The following EYS variants were observed in gnomAD, a reference collection of about 807,000 sequenced individuals.
EYS encodes protein eyes shut homolog.
In EYS, 250 loss-of-function variants were observed where a neutral mutation model predicts 282.1. The observed-to-expected ratio is 0.89, with a 90% CI of 0.80 to 0.98. EYS has a LOEUF of 0.98. Ranked by LOEUF, EYS falls within the 50% of genes least tolerant of loss-of-function variation. The pLI is 0.00. For synonymous variants in EYS, 1,355 were observed against 1,282.9 expected (o/e 1.06, Z -1.20); for missense variants, 4,016 against 3,709.0 (o/e 1.08, Z -2.15).
At chr6:64,907,883 T>C (rs1767880205) in intron 16 of EYS, among the ~76,000 whole-genome samples, 1 of 152,118 alleles carries the variant, frequency 6.6e-6, no homozygotes, top group Non-Finnish European at 1.5e-5. Context: ...AGTAGTTTAT[T>C]TGAGAGGTGA....
At chr6:64,233,807 C>A (rs1484150205) in intron 30 of EYS, among the ~76,000 whole-genome samples, 2 of 152,166 alleles carry the variant, frequency 1.3e-5, no homozygotes, top group South Asian at 2.1e-4. Context: ...CTTGATAGGA[C>A]AGCAATTTCC....
chr6:65,263,517 A>G (rs1325169401), intron 12 of EYS, among the ~76,000 whole-genome samples: 1 of 152,134 alleles, frequency 6.6e-6, no homozygotes, highest in South Asian at 2.1e-4. Context: ...AAAAACTAAA[A>G]ATTAAAAGTC....
intron 30 of EYS, among the ~76,000 whole-genome samples, chr6:64,261,881 T>C (rs995844404): frequency 1.3e-5 from 2 of 151,938 alleles, no homozygotes; most frequent in Admixed American, 1.3e-4. Context: ...CTCTTCCTCC[T>C]GAGTAGCTGG....
chr6:65,652,922 G>C lies in EYS; in HGVS notation c.-447-13030C>G, dbSNP rs562346604. Among the ~76,000 whole-genome samples the C allele has an allele frequency of 1.7e-4, 26 of 151,984 alleles. No individual in the cohort carries two copies. The South Asian group carries it at 4.4e-3, about 25-fold the overall frequency. The stretch of plus-strand genomic sequence containing the variant: ...TAACAGGACTGTAATGCAGAGGTTT[G>C]GCTACACAGATGATGGAGAAGCCAA... On this transcript the variant is annotated intron_variant, in intron 1 of 42. Coordinates refer to ENST00000503581, the MANE Select transcript of EYS (RefSeq NM_001142800.2).
chr6:65,183,663 A>G (rs929323538), intron 12 of EYS, among the ~76,000 whole-genome samples: 1 of 151,818 alleles, frequency 6.6e-6, no homozygotes, highest in African/African-American at 2.4e-5. Flanking sequence ...TTAAACTATT[A>G]TAAGTGTACT....
At chr6:64,462,243 A>C (rs1004184453) in intron 26 of EYS, among the ~76,000 whole-genome samples, 1 of 152,174 alleles carries the variant, frequency 6.6e-6, no homozygotes, top group East Asian at 1.9e-4. Flanking sequence ...GTATTGACTA[A>C]ATTAATTTAA....
intron 35 of EYS, among the ~76,000 whole-genome samples, chr6:63,966,459 A>C (rs1355653068): frequency 1.3e-5 from 2 of 152,154 alleles, no homozygotes; most frequent in African/African-American, 4.8e-5. Context: ...ATCATGGCTG[A>C]AGAGCTTACT....
chr6:65,022,527 G>A (rs1454929969), intron 13 of EYS, among the ~76,000 whole-genome samples: 2 of 151,802 alleles, frequency 1.3e-5, no homozygotes, highest in Admixed American at 1.3e-4. Flanking sequence ...TATTGACAGT[G>A]GATCAACCCT....
chr6:65,200,523 A>T lies in EYS; in HGVS notation c.2023+95340T>A, dbSNP rs184890597. On this transcript the variant is annotated intron_variant, in intron 12 of 42. Transcript: ENST00000503581. ...CAGAAGCCAGAGTAAATTAAAAGAA[A>T]GGGACTTGTCAGAGAGACAAAAGAG... Among the ~76,000 whole-genome samples the T allele has an allele frequency of 3.3e-5, 5 of 151,780 alleles. No individual in the cohort carries two copies. In the East Asian group the frequency reaches 9.7e-4, roughly 29 times the overall value.
chr6:64,188,597 A>G (rs900144489), intron 31 of EYS, among the ~76,000 whole-genome samples: 4 of 152,134 alleles, frequency 2.6e-5, no homozygotes, highest in African/African-American at 9.7e-5. Context: ...TGGGCATTAA[A>G]TCGGATAATT....
intron 26 of EYS, among the ~76,000 whole-genome samples, chr6:64,581,122 C>T (rs1370531942): frequency 2.6e-5 from 4 of 151,786 alleles, no homozygotes; most frequent in Admixed American, 2.0e-4. Context: ...AGTGCAAAGA[C>T]AAATTGCGGA....
At chr6:65,261,869 T>A (rs1483655777) in intron 12 of EYS, among the ~76,000 whole-genome samples, 4 of 152,074 alleles carry the variant, frequency 2.6e-5, no homozygotes, top group Non-Finnish European at 5.9e-5. Flanking sequence ...TATGAAACAG[T>A]CTATAGCTGT....
chr6:64,136,221 TAGCA>T (rs1774158123), intron 31 of EYS, among the ~76,000 whole-genome samples: 1 of 152,034 alleles, frequency 6.6e-6, no homozygotes, highest in Admixed American at 6.6e-5. Flanking sequence ...CATGAGATTA[TAGCA>T]AGTTAGTCAC....
Position 65,089,887 on chromosome 6 carries a change from C to T in EYS, c.2024-32160G>A, listed in dbSNP as rs561543106. Among the ~76,000 whole-genome samples the T allele has an allele frequency of 2.0e-5, 3 of 147,222 alleles. No homozygotes were observed. The Admixed American group carries it at 2.1e-4, about 10-fold the overall frequency. ...AGGGGAATTGCTTGAATCTGGGATG[C>T]AGAGGTTGCAGTAAAGCTGAGATCA... On this transcript the variant is annotated intron_variant, in intron 12 of 42. Transcript: ENST00000503581.
chr6:64,272,529 T>C (rs376996304), intron 30 of EYS, among the ~76,000 whole-genome samples: 8 of 152,208 alleles, frequency 5.3e-5, no homozygotes, highest in African/African-American at 9.6e-5. Context: ...CCTTCACTTA[T>C]GAAGCTTAGT....
chr6:63,720,417 G>A lies in EYS; in HGVS notation c.*179C>T. ...AATATATACAGATAAATTAGATGTA[G>A]GAAAAACAATCAGAACCTTCAGTGA... On this transcript the variant is annotated 3_prime_UTR_variant, in exon 43 of 43. Transcript: ENST00000503581. 1.9e-6 allele frequency: 1 copy of A among 531,530 alleles called. No homozygotes were observed. Among genetic ancestry groups the A allele is most frequent in the Non-Finnish European group, 3.2e-6 (1 of 310,638 alleles). 32.9% of individuals were successfully genotyped at this position (531,530 alleles called of 1,614,324 possible). A position where few individuals can be genotyped will look rare whatever the true frequency, so the allele number is the denominator to read the frequency against.
At chr6:64,116,113 G>T (rs938375985) in intron 31 of EYS, among the ~76,000 whole-genome samples, 20 of 151,966 alleles carry the variant, frequency 1.3e-4, no homozygotes, top group African/African-American at 4.6e-4. Flanking sequence ...TTCAATTAAT[G>T]AAATAAAAAC....
chr6:63,925,971 G>T (rs1030919568), intron 35 of EYS, among the ~76,000 whole-genome samples: 1 of 152,158 alleles, frequency 6.6e-6, no homozygotes, highest in Admixed American at 6.5e-5. Flanking sequence ...AGCACCGCAT[G>T]CATTAGCTAT....
intron 29 of EYS, among the ~76,000 whole-genome samples, chr6:64,323,769 T>A (rs1481187921): frequency 2.0e-5 from 3 of 152,098 alleles, no homozygotes; most frequent in Non-Finnish European, 4.4e-5. Flanking sequence ...CTACATGCTG[T>A]GAATTGGAGT....
Sources: gnomAD v4.1 joint callset for allele counts (sites outside exome capture counted in the v4.1 genomes callset) on GRCh38, gnomAD v4.1.1 for gene constraint, MANE v1.5 for transcripts, NCBI Gene and HGNC (gene_info 2026-07-23, HGNC 2026-07-21) for gene names.